The following SLC22A9 variants were observed in gnomAD, a reference collection of about 807,000 sequenced individuals.
SLC22A9 encodes solute carrier family 22 member 9.
Under a neutral mutation model 50.1 loss-of-function variants are expected in SLC22A9, and 64 were observed. The observed-to-expected ratio is 1.28, with a 90% confidence interval of 1.04 to 1.57. SLC22A9 has a LOEUF of 1.57. SLC22A9 is among the 40% of genes most tolerant of loss of function. SLC22A9 has a pLI of 0.00. For synonymous variants in SLC22A9, 261 were observed against 242.5 expected (o/e 1.08, Z -0.71); for missense variants, 757 against 676.1 (o/e 1.12, Z -1.33).
intron 6 of SLC22A9, among the ~76,000 whole-genome samples, chr11:63,397,770 T>G (rs1565188315): frequency 6.6e-6 from 1 of 152,050 alleles, no homozygotes; most frequent in African/African-American, 2.4e-5. Flanking sequence ...AGAATTACCT[T>G]TCAGGGAAAT....
At chr11:63,395,167 G>T (rs2014832092) in intron 6 of SLC22A9, among the ~76,000 whole-genome samples, 1 of 151,486 alleles carries the variant, frequency 6.6e-6, no homozygotes. Flanking sequence ...TTACTTCCCT[G>T]CCCTGAGCTT....
At chr11:63,373,535 A>C in intron 2 of SLC22A9, 109 bp from the exon 3 acceptor site, 4 of 1,143,572 alleles carry the variant, frequency 3.5e-6, no homozygotes, top group Non-Finnish European at 4.7e-6. Context: ...TTCAAATGCA[A>C]AGTTTCACTT....
intron 6 of SLC22A9, among the ~76,000 whole-genome samples, chr11:63,405,404 A>G (rs1246524484): frequency 3.9e-5 from 6 of 152,192 alleles, no homozygotes; most frequent in Non-Finnish European, 1.5e-5. Context: ...TGTAATCAAA[A>G]TGAACGATGA....
intron 6 of SLC22A9, among the ~76,000 whole-genome samples, chr11:63,382,706 C>T (rs112033274): frequency 0.034 from 5,161 of 152,118 alleles, 122 homozygotes; most frequent in Non-Finnish European, 0.056. Flanking sequence ...AGGACATGAT[C>T]GCAAGCATAG....
chr11:63,395,922 G>A (rs193250746), intron 6 of SLC22A9, among the ~76,000 whole-genome samples: 35 of 152,250 alleles, frequency 2.3e-4, no homozygotes, highest in African/African-American at 8.4e-4. Flanking sequence ...GGTCAAAGGA[G>A]TTGTGTATTT....
intron 8 of SLC22A9, 116 bp downstream of exon 8, chr11:63,408,336 C>T: frequency 2.4e-6 from 2 of 831,032 alleles, no homozygotes; most frequent in South Asian, 1.6e-5. Flanking sequence ...TCATAACAGT[C>T]ATAAACACAA....
intron 6 of SLC22A9, among the ~76,000 whole-genome samples, chr11:63,395,112 A>G (rs375765747): frequency 1.3e-5 from 2 of 151,884 alleles, no homozygotes; most frequent in Admixed American, 6.6e-5. Flanking sequence ...TCTTTATGCT[A>G]TCTATTTCCT....
chr11:63,402,610 A>T (rs2120004694), intron 6 of SLC22A9, among the ~76,000 whole-genome samples: 1 of 151,948 alleles, frequency 6.6e-6, no homozygotes, highest in East Asian at 1.9e-4. Flanking sequence ...CCACTGTGAC[A>T]TTTACCCATG....
intron 6 of SLC22A9, among the ~76,000 whole-genome samples, chr11:63,406,187 A>T (rs1440295241): frequency 6.6e-6 from 1 of 152,200 alleles, no homozygotes; most frequent in Non-Finnish European, 1.5e-5. Context: ...GCTACCAAAG[A>T]TACCTTTGAA....
chr11:63,388,001 T>G (rs577327), intron 6 of SLC22A9, among the ~76,000 whole-genome samples: 11,329 of 152,182 alleles, frequency 0.074, 1,424 homozygotes, highest in African/African-American at 0.26. Flanking sequence ...TTTTGTATCC[T>G]GCAGCTTCAC....
At chr11:63,371,968 C>G (rs190044906) in intron 2 of SLC22A9, among the ~76,000 whole-genome samples, 9 of 152,200 alleles carry the variant, frequency 5.9e-5, no homozygotes, top group Non-Finnish European at 1.0e-4. Flanking sequence ...CTTCTGGTGT[C>G]TCACCTGAAA....
At chr11:63,382,070 C>A in intron 5 of SLC22A9, 89 bp from the exon 6 acceptor site, 1 of 823,512 alleles carries the variant, frequency 1.2e-6, no homozygotes. Context: ...GCAGTCAACT[C>A]ACTTCTCATC....
chr11:63,379,986 C>T (rs773914503), intron 5 of SLC22A9, among the ~76,000 whole-genome samples: 2 of 152,124 alleles, frequency 1.3e-5, no homozygotes, highest in Non-Finnish European at 2.9e-5. Flanking sequence ...CCTGCCTTGG[C>T]CTCCCAAAGT....
chr11:63,389,171 A>T (rs1446774079), intron 6 of SLC22A9, among the ~76,000 whole-genome samples: 5 of 151,446 alleles, frequency 3.3e-5, no homozygotes, highest in Non-Finnish European at 5.9e-5. Context: ...TTTCTGCTCT[A>T]ATTTTTTTTT....
At chr11:63,407,930 G>A (rs991259350) in intron 7 of SLC22A9, among the ~76,000 whole-genome samples, 182 bp from the exon 8 acceptor site, 1 of 152,184 alleles carries the variant, frequency 6.6e-6, no homozygotes, top group Non-Finnish European at 1.5e-5. Context: ...TAAGCCACAA[G>A]GCGAAGACAA....
intron 5 of SLC22A9, among the ~76,000 whole-genome samples, chr11:63,379,392 C>T (rs2014521709): frequency 6.6e-6 from 1 of 152,098 alleles, no homozygotes; most frequent in Non-Finnish European, 1.5e-5. Context: ...AGTTTAAGAC[C>T]TAAAACTATA....
At position 63,408,160 on chromosome 11, in the gene SLC22A9, C is replaced by A; in HGVS notation, c.1337C>A (p.Ser446Tyr). ...TTGGCAACACTGGGCTTAGGAGCGT[C>A]TGCTCTTGCCAATACCCTTGCTTTT... ...EVLATLGLGA[S>Y]ALANTLAFAH... The change falls in exon 8 of 10, where the codon TCT becomes TAT. Residue 446 changes from serine (S) to tyrosine (Y), a missense_variant. Transcript: ENST00000279178. 1 of 1,613,772 alleles carries A rather than the reference C, an allele frequency of 6.2e-7. No individual in the cohort carries two copies. The highest frequency in any genetic ancestry group is 8.5e-7 in the Non-Finnish European group (1 of 1,179,798).
At chr11:63,372,594 C>A (rs1394335223) in intron 2 of SLC22A9, among the ~76,000 whole-genome samples, 1 of 152,066 alleles carries the variant, frequency 6.6e-6, no homozygotes, top group Non-Finnish European at 1.5e-5. Context: ...TGCATTAAAT[C>A]TAAACAGCAG....
At chr11:63,387,188 C>A (rs991183174) in intron 6 of SLC22A9, among the ~76,000 whole-genome samples, 7 of 151,926 alleles carry the variant, frequency 4.6e-5, no homozygotes, top group Admixed American at 2.6e-4. Flanking sequence ...GCCTGTGCGT[C>A]TGGGGTATTA....
Sources: allele counts gnomAD v4.1 joint callset (sites outside exome capture counted in the v4.1 genomes callset), GRCh38; gene constraint gnomAD v4.1.1; transcripts MANE v1.5; gene names NCBI Gene and HGNC (gene_info 2026-07-23, HGNC 2026-07-21).